SDK1: variants seen among roughly 807,000 people sequenced by gnomAD.
SDK1 encodes sidekick cell adhesion molecule 1, also known as protein sidekick-1.
In SDK1, 157 loss-of-function variants were observed where a neutral mutation model predicts 245.5. The observed-to-expected ratio is 0.64, with a 90% CI of 0.56 to 0.73. The LOEUF (loss-of-function observed/expected upper bound fraction) is 0.73. Ranked by LOEUF, SDK1 falls within the 30% of genes least tolerant of loss-of-function variation. SDK1 has a pLI of 0.00. For missense variants in SDK1, 3,583 were observed against 3,002.3 expected, an observed-to-expected ratio of 1.19 and a Z score of -4.52; for synonymous variants, 1,647 against 1,278.5, an observed-to-expected ratio of 1.29 and a Z score of -6.15.
chr7:4,264,334 A>G lies in SDK1; in HGVS notation c.6382-790A>G, dbSNP rs79272616. On this transcript the variant is annotated intron_variant, in intron 44 of 44. Coordinates refer to ENST00000404826, the MANE Select transcript of SDK1 (RefSeq NM_152744.4). Reference sequence around the variant, plus strand: ...CTCTCCTGAGTGAGGGAGGCCGCGTAGATCTCTCCTGAGTGAGGAGGCCGT... The same window carrying G: ...CTCTCCTGAGTGAGGGAGGCCGCGTGGATCTCTCCTGAGTGAGGAGGCCGT... Among the ~76,000 whole-genome samples, 198 of 127,806 alleles carry G rather than the reference A, an allele frequency of 1.5e-3. 1 individual carries two copies. The highest frequency in any genetic ancestry group is 2.2e-3 in the Non-Finnish European group (130 of 58,052). 83.8% of individuals were successfully genotyped at this position (127,806 alleles called of 152,430 possible).
At chr7:4,188,782 G>C (rs1783029171) in intron 35 of SDK1, among the ~76,000 whole-genome samples, 1 of 151,816 alleles carries the variant, frequency 6.6e-6, no homozygotes, top group Non-Finnish European at 1.5e-5. Flanking sequence ...TTTGTTTCCA[G>C]AGAAGTTTTT....
intron 22 of SDK1, among the ~76,000 whole-genome samples, chr7:4,084,662 ATATGTTATGTTACGTTATGT>A (rs57724241): frequency 0.022 from 3,076 of 140,318 alleles, 107 homozygotes; most frequent in African/African-American, 0.076. Context: ...CCTTAAATGT[ATATGTTATGTTACGTTATGT>A]TATGTTATGT....
intron 41 of SDK1, among the ~76,000 whole-genome samples, 173 bp downstream of exon 41, chr7:4,233,592 G>A (rs539564960): frequency 7.9e-5 from 12 of 152,008 alleles, no homozygotes; most frequent in African/African-American, 1.4e-4. Context: ...AAATGGGGTC[G>A]AGGGGGACCC....
At chr7:3,595,952 ATTT>A (rs199756528) in intron 1 of SDK1, among the ~76,000 whole-genome samples, 1 of 100,408 alleles carries the variant, frequency 1.0e-5, no homozygotes, top group Non-Finnish European at 1.8e-5. Context: ...TCTAATGGGT[ATTT>A]TTTTTTTTTT....
chr7:3,982,891 A>T (rs371369714), intron 13 of SDK1, among the ~76,000 whole-genome samples: 1 of 152,152 alleles, frequency 6.6e-6, no homozygotes, highest in African/African-American at 2.4e-5. Flanking sequence ...CACAATATCA[A>T]TATTAACAGG....
Position 3,691,083 on chromosome 7 carries a change from T to G in SDK1, c.713+48978T>G, listed in dbSNP as rs114005626. The stretch of plus-strand genomic sequence containing the variant: ...ATTAGAGAAAAATACTCATTTCTCA[T>G]TTTCTTATCATTTGACAGGAAGCTT... On this transcript the variant is annotated intron_variant, in intron 4 of 44. Transcript: ENST00000404826. 3.9e-3 allele frequency among the ~76,000 whole-genome samples: 591 copies of G among 152,352 alleles called. 2 individuals are homozygous for G. Among genetic ancestry groups the G allele is most frequent in the Middle Eastern group, 0.021 (6 of 292 alleles).
At chr7:4,089,063 T>C (rs6946673) in intron 22 of SDK1, among the ~76,000 whole-genome samples, 48 of 139,540 alleles carry the variant, frequency 3.4e-4, no homozygotes, top group African/African-American at 1.2e-3. Flanking sequence ...CTCCCTCAGG[T>C]GGAGGTGAGA....
chr7:4,000,747 C>T (rs572293397), intron 14 of SDK1, among the ~76,000 whole-genome samples: 1 of 152,232 alleles, frequency 6.6e-6, no homozygotes, highest in South Asian at 2.1e-4. Flanking sequence ...GTCTTTGAAA[C>T]ACACCTCACA....
At chr7:3,796,519 TCC>T (rs58289622) in intron 4 of SDK1, among the ~76,000 whole-genome samples, 2,199 of 151,658 alleles carry the variant, frequency 0.014, 55 homozygotes, top group African/African-American at 0.049. Context: ...AATGCCCCTC[TCC>T]CCCCCAGCCT....
chr7:3,745,569 C>T (rs904288004), intron 4 of SDK1, among the ~76,000 whole-genome samples: 10 of 151,978 alleles, frequency 6.6e-5, no homozygotes, highest in Non-Finnish European at 1.5e-4. Context: ...ATTCTAAATT[C>T]TATACAATTT....
At chr7:4,075,942 C>G (rs1180270902) in intron 20 of SDK1, among the ~76,000 whole-genome samples, 1 of 152,108 alleles carries the variant, frequency 6.6e-6, no homozygotes, top group African/African-American at 2.4e-5. Context: ...TGTGAGCCAC[C>G]GTGCCCCGCA....
intron 5 of SDK1, among the ~76,000 whole-genome samples, chr7:3,856,647 CA>C (rs1468824704): frequency 6.6e-6 from 1 of 151,804 alleles, no homozygotes; most frequent in African/African-American, 2.4e-5. Flanking sequence ...AAAAATTAGC[CA>C]GGCATGGTGG....
At chr7:3,695,770 CAG>C (rs1784552130) in intron 4 of SDK1, among the ~76,000 whole-genome samples, 1 of 152,104 alleles carries the variant, frequency 6.6e-6, no homozygotes, top group Non-Finnish European at 1.5e-5. Context: ...CAGAAGTAAA[CAG>C]AGAAGGCAAC....
intron 1 of SDK1, among the ~76,000 whole-genome samples, chr7:3,316,915 C>T (rs554041894): frequency 9.9e-5 from 15 of 152,016 alleles, no homozygotes; most frequent in African/African-American, 3.6e-4. Context: ...TACTGTGGCT[C>T]ATGCCTATAA....
intron 4 of SDK1, among the ~76,000 whole-genome samples, chr7:3,767,690 G>A (rs1466542459): frequency 6.6e-6 from 1 of 152,134 alleles, no homozygotes; most frequent in Non-Finnish European, 1.5e-5. Context: ...AGGTAATGTA[G>A]TTAGGAGGGG....
chr7:3,691,010 G>A (rs1784424826), intron 4 of SDK1, among the ~76,000 whole-genome samples: 1 of 152,060 alleles, frequency 6.6e-6, no homozygotes, highest in Non-Finnish European at 1.5e-5. Flanking sequence ...CTCACTGGTT[G>A]ATTTTGTCCT....
At position 4,110,728 on chromosome 7, in the gene SDK1, C is replaced by A; in HGVS notation, c.3390C>A (p.Ala1130=). Residue 1130 remains alanine, a synonymous_variant, in exon 23 of 45, where the codon GCC becomes GCA. Transcript: ENST00000404826. ...TLYEEENEPD[A]QMLEIPNLTP... Reference sequence around the variant, plus strand: ...ATGAAGAGGAGAATGAGCCTGATGCCCAGATGCTGGAGATCCCAAACCTCA... The same window carrying A: ...ATGAAGAGGAGAATGAGCCTGATGCACAGATGCTGGAGATCCCAAACCTCA... The A allele has an allele frequency of 6.2e-7, 1 of 1,613,920 alleles. No homozygotes were observed. Among genetic ancestry groups the A allele is most frequent in the Non-Finnish European group, 8.5e-7 (1 of 1,179,880 alleles).
chr7:3,858,063 G>C (rs1298696099), intron 5 of SDK1, among the ~76,000 whole-genome samples: 2 of 152,152 alleles, frequency 1.3e-5, no homozygotes, highest in African/African-American at 4.8e-5. Flanking sequence ...TGATTCTGAA[G>C]TTAATATGGA....
intron 4 of SDK1, among the ~76,000 whole-genome samples, chr7:3,740,780 T>C (rs1487382505): frequency 1.3e-5 from 2 of 152,182 alleles, no homozygotes; most frequent in African/African-American, 4.8e-5. Flanking sequence ...TTGCAAGCCT[T>C]TGATTAATTT....
Sources: gnomAD v4.1 joint callset for allele counts (sites outside exome capture counted in the v4.1 genomes callset) on GRCh38, gnomAD v4.1.1 for gene constraint, MANE v1.5 for transcripts, NCBI Gene and HGNC (gene_info 2026-07-23, HGNC 2026-07-21) for gene names.